The following AFF3 variants were observed in gnomAD, a reference collection of about 807,000 sequenced individuals.
AFF3 encodes AF4/FMR2 family member 3.
Under a neutral mutation model 129.7 loss-of-function variants are expected in AFF3, and 32 were observed. The ratio of observed to expected loss-of-function variants is 0.25; its 90% CI spans 0.19 to 0.33. AFF3 has a LOEUF of 0.33. Among genes scored for constraint, AFF3 ranks in the 10% least tolerant of loss-of-function variants. AFF3 has a pLI of 1.00. For missense variants in AFF3, 1,373 were observed against 1,592.0 expected, an observed-to-expected ratio of 0.86 and a Z score of 2.34; for synonymous variants, 644 against 635.4, an observed-to-expected ratio of 1.01 and a Z score of -0.20.
At chr2:99,570,052 A>G (rs994234432) in intron 18 of AFF3, among the ~76,000 whole-genome samples, 2 of 152,154 alleles carry the variant, frequency 1.3e-5, no homozygotes, top group Non-Finnish European at 2.9e-5. Flanking sequence ...TGGGGTCAAA[A>G]TGTTTCCTCA....
chr2:100,015,001 TCAGGACGTTAGC>T (rs1284556342), intron 4 of AFF3, among the ~76,000 whole-genome samples: 1 of 149,436 alleles, frequency 6.7e-6, no homozygotes, highest in African/African-American at 2.5e-5. Context: ...AGACAGGGTT[TCAGGACGTTAGC>T]CAGGATGGTC....
At position 100,107,315 on chromosome 2, in the gene AFF3, T is replaced by C. The variant is rs1691345977; in HGVS notation, c.-144-1732A>G. 4.1e-6 allele frequency: 4 copies of C among 985,406 alleles called. No individual in the cohort carries two copies. In the South Asian group the frequency reaches 1.9e-4, roughly 46 times the overall value. 61.0% of individuals were successfully genotyped at this position (985,406 alleles called of 1,614,324 possible). On this transcript the variant is annotated intron_variant, in intron 2 of 24. Transcript: ENST00000672756. ...ATTATTTATCTGGTTTATGAAGATG[T>C]TCCTATTATCCTCCAGCCTCTGGGT...
At position 99,551,363 on chromosome 2, in the gene AFF3, G is replaced by T. The variant is rs1176785270; in HGVS notation, c.*111C>A. The T allele has an allele frequency of 4.3e-6, 6 of 1,409,754 alleles. No homozygotes were observed. Among genetic ancestry groups the T allele is most frequent in the Non-Finnish European group, 5.8e-6 (6 of 1,035,348 alleles). 87.3% of individuals were successfully genotyped at this position (1,409,754 alleles called of 1,614,324 possible). A position where few individuals can be genotyped will look rare whatever the true frequency, so the allele number is the denominator to read the frequency against. On this transcript the variant is annotated 3_prime_UTR_variant, in exon 25 of 25. Coordinates refer to ENST00000672756, the MANE Select transcript of AFF3 (RefSeq NM_001386135.1). ...GATCATTGTTCAATGCTGAGGAAATGTTCACCGCAGTCTGATAAATGCTGT... is the reference window on the plus strand; with the variant it reads ...GATCATTGTTCAATGCTGAGGAAATTTTCACCGCAGTCTGATAAATGCTGT...
chr2:99,998,974 C>G (rs115155091), intron 7 of AFF3, among the ~76,000 whole-genome samples: 6 of 152,218 alleles, frequency 3.9e-5, no homozygotes, highest in Non-Finnish European at 7.4e-5. Context: ...TTGCTCTGTT[C>G]CCCTCATCAC....
At chr2:100,050,084 C>A (rs1185143883) in intron 4 of AFF3, among the ~76,000 whole-genome samples, 2 of 151,590 alleles carry the variant, frequency 1.3e-5, no homozygotes, top group African/African-American at 4.8e-5. Flanking sequence ...TGGTGGCATG[C>A]GCCTGTAGTC....
intron 11 of AFF3, among the ~76,000 whole-genome samples, chr2:99,715,980 T>C (rs952886203): frequency 3.9e-4 from 60 of 152,174 alleles, no homozygotes; most frequent in African/African-American, 1.1e-3. Context: ...CCTCAAATCT[T>C]CATTTATTCT....
rs1203960550 is a variant in AFF3, at chr2:100,105,017, T to TA, written c.-65+486dup. The TA allele has an allele frequency of 8.7e-5, 13 of 148,722 alleles. No homozygotes were observed. The Admixed American group carries it at 8.8e-4, about 10-fold the overall frequency. 9.2% of individuals were successfully genotyped at this position (148,722 alleles called of 1,614,324 possible). A position where few individuals can be genotyped will look rare whatever the true frequency, so the allele number is the denominator to read the frequency against. ...CCTGCCGCCCCTCTCTCGTGGCTTT[T>TA]ACGGCCCGCCCGCCCCTCAGCAGCC... is the stretch of plus-strand genomic sequence containing the variant. On this transcript the variant is annotated intron_variant, in intron 3 of 24. Transcript: ENST00000672756.
intron 9 of AFF3, among the ~76,000 whole-genome samples, 197 bp from the exon 10 acceptor site, chr2:99,744,337 AT>A (rs527966714): frequency 8.3e-4 from 127 of 152,136 alleles, no homozygotes; most frequent in Non-Finnish European, 1.6e-3. Context: ...CTTCACAATC[AT>A]TTTTCTTTTG....
At chr2:99,662,560 T>C (rs1266486778) in intron 12 of AFF3, among the ~76,000 whole-genome samples, 1 of 152,198 alleles carries the variant, frequency 6.6e-6, no homozygotes, top group Non-Finnish European at 1.5e-5. Flanking sequence ...ATATTACTAA[T>C]GTCTAATTCA....
chr2:99,780,740 C>A (rs1021800440), intron 8 of AFF3, among the ~76,000 whole-genome samples: 2 of 152,166 alleles, frequency 1.3e-5, no homozygotes, highest in African/African-American at 2.4e-5. Flanking sequence ...CTTGACTTCT[C>A]TCTTTCTTTC....
intron 4 of AFF3, among the ~76,000 whole-genome samples, chr2:100,078,222 T>C (rs1271918494): frequency 1.3e-5 from 2 of 152,176 alleles, no homozygotes; most frequent in Non-Finnish European, 2.9e-5. Context: ...TTATCAAAGA[T>C]TGAAATTTTG....
At chr2:99,558,771 A>C in intron 22 of AFF3, 104 bp downstream of exon 22, 1 of 1,094,938 alleles carries the variant, frequency 9.1e-7, no homozygotes, top group Non-Finnish European at 1.3e-6. Flanking sequence ...ACCAGAGGTG[A>C]CCTGCATTAA....
At chr2:99,763,839 G>A (rs1682804803) in intron 8 of AFF3, among the ~76,000 whole-genome samples, 1 of 152,148 alleles carries the variant, frequency 6.6e-6, no homozygotes, top group Non-Finnish European at 1.5e-5. Flanking sequence ...ACTGAAACAG[G>A]CCTGAGAAGG....
chr2:100,043,580 G>T (rs1685605248), intron 4 of AFF3, among the ~76,000 whole-genome samples: 1 of 151,652 alleles, frequency 6.6e-6, no homozygotes, highest in Non-Finnish European at 1.5e-5. Context: ...CATAGATGAA[G>T]GAAAAAATAG....
rs571854000 is a variant in AFF3, at chr2:99,726,316, C to T, written c.1091+761G>A. Among the ~76,000 whole-genome samples, 6 of 152,166 alleles carry T rather than the reference C, an allele frequency of 3.9e-5. No homozygotes were observed. The South Asian group carries it at 1.2e-3, about 32-fold the overall frequency. ...AATGCTGTTTTTTAAAATCCTGATC[C>T]CCATACAGATAAATTCACAAAGCCT... On this transcript the variant is annotated intron_variant, in intron 11 of 24. Transcript: ENST00000672756.
chr2:99,715,466 A>T (rs1179172669), intron 11 of AFF3, among the ~76,000 whole-genome samples: 1 of 150,908 alleles, frequency 6.6e-6, no homozygotes, highest in Non-Finnish European at 1.5e-5. Context: ...TCCAACTAAT[A>T]TATTAATTTT....
At chr2:99,638,713 G>T (rs1469026518) in intron 13 of AFF3, among the ~76,000 whole-genome samples, 1 of 152,212 alleles carries the variant, frequency 6.6e-6, no homozygotes, top group Non-Finnish European at 1.5e-5. Flanking sequence ...GGGGGCATCT[G>T]GAAGAACCTG....
At chr2:100,043,188 T>C (rs1466689899) in intron 4 of AFF3, among the ~76,000 whole-genome samples, 1 of 152,192 alleles carries the variant, frequency 6.6e-6, no homozygotes, top group Admixed American at 6.5e-5. Flanking sequence ...ATGTGATAGA[T>C]GCAGGAGAAA....
rs565461238 is a variant in AFF3 at position 99,568,775 on chromosome 2, A to C, written c.2982+77T>G. ...TTGTAATAGATTTTATAATTACCCCAGCTATATTGTCCCAGTGATGAAGCT... is the reference window on the plus strand; with the variant it reads ...TTGTAATAGATTTTATAATTACCCCCGCTATATTGTCCCAGTGATGAAGCT... On this transcript the variant is annotated intron_variant, in intron 19 of 24. Transcript: ENST00000672756. 3 of 1,369,804 alleles carry C rather than the reference A, an allele frequency of 2.2e-6. No homozygotes were observed. In the African/African-American group the frequency reaches 4.3e-5, roughly 20 times the overall value. The allele number at this position is 1,369,804 out of a possible 1,614,324, so 84.9% of individuals were successfully genotyped here. A position where few individuals can be genotyped will look rare whatever the true frequency, so the allele number is the denominator to read the frequency against.
Sources: allele counts gnomAD v4.1 joint callset (sites outside exome capture counted in the v4.1 genomes callset), GRCh38; gene constraint gnomAD v4.1.1; transcripts MANE v1.5; gene names NCBI Gene and HGNC (gene_info 2026-07-23, HGNC 2026-07-21).